The following CIRSR variants were observed in gnomAD, a reference collection of about 807,000 sequenced individuals.
CIRSR encodes corepressor of RBPJ and splicing regulator.
At chr2:174,384,538 CCA>C in the CIRSR span, among the ~76,000 whole-genome samples, 1 of 151,890 alleles carries the variant, frequency 6.6e-6, no homozygotes, top group African/African-American at 2.4e-5. Context: ...ACAAAAAAAC[CCA>C]CAGACAAACC....
chr2:174,362,203 G>C, the CIRSR span, among the ~76,000 whole-genome samples: 21 of 152,242 alleles, frequency 1.4e-4, no homozygotes, highest in Middle Eastern at 6.8e-3. Context: ...CTACTCTGAA[G>C]GCTGAGGTGG....
chr2:174,379,624 C>A, the CIRSR span, among the ~76,000 whole-genome samples: 2 of 151,150 alleles, frequency 1.3e-5, no homozygotes, highest in Non-Finnish European at 2.9e-5. Flanking sequence ...AGATTTAAAT[C>A]TTTTCTTGAC....
the CIRSR span, among the ~76,000 whole-genome samples, chr2:174,393,569 T>C: frequency 6.6e-6 from 1 of 152,064 alleles, no homozygotes; most frequent in Non-Finnish European, 1.5e-5. Flanking sequence ...TGGTCTTGAA[T>C]TCCTGGCCTC....
At chr2:174,360,528 C>CT in the CIRSR span, among the ~76,000 whole-genome samples, 1 of 152,098 alleles carries the variant, frequency 6.6e-6, no homozygotes, top group East Asian at 1.9e-4. Context: ...ATTCATTCTC[C>CT]TTTTCTCAGG....
chr2:174,390,031 T>C, the CIRSR span, among the ~76,000 whole-genome samples: 36,813 of 152,182 alleles, frequency 0.24, 5,011 homozygotes, highest in African/African-American at 0.37. Context: ...GGAAGGGAAA[T>C]GTGGGGTCGG....
At chr2:174,378,162 G>GA in the CIRSR span, among the ~76,000 whole-genome samples, 25 of 144,672 alleles carry the variant, frequency 1.7e-4, no homozygotes, top group Non-Finnish European at 2.4e-4. Context: ...TTTCTTAAAA[G>GA]AAAAAAAAAA....
chr2:174,353,025 A>C, the CIRSR span, among the ~76,000 whole-genome samples: 3 of 152,212 alleles, frequency 2.0e-5, no homozygotes, highest in East Asian at 3.8e-4. Context: ...TCAATAGCAG[A>C]TGTGGTTAAA....
At chr2:174,349,104 C>T in the CIRSR span, 1 of 1,519,504 alleles carries the variant, frequency 6.6e-7, no homozygotes, top group Non-Finnish European at 8.8e-7. Flanking sequence ...GTGTTTACTT[C>T]TGCTCTTCTG....
At chr2:174,348,135 A>T in the CIRSR span, 7,769 of 174,678 alleles carry the variant, frequency 0.044, 628 homozygotes, top group African/African-American at 0.17. Context: ...AATTGAAAAA[A>T]GTAAATTATA....
chr2:174,361,493 T>C, the CIRSR span, among the ~76,000 whole-genome samples: 1 of 152,220 alleles, frequency 6.6e-6, no homozygotes, highest in African/African-American at 2.4e-5. Flanking sequence ...CCCAAATGTG[T>C]TCCCAAGCAA....
At chr2:174,387,668 A>G in the CIRSR span, 1 of 1,572,952 alleles carries the variant, frequency 6.4e-7, no homozygotes, top group East Asian at 2.3e-5. Context: ...ATATACTGGC[A>G]TAACAGAATT....
the CIRSR span, chr2:174,348,620 A>G: frequency 1.2e-6 from 2 of 1,614,010 alleles, no homozygotes; most frequent in Non-Finnish European, 1.7e-6. Context: ...CTTCACCAGG[A>G]TTTCGCTGTG....
chr2:174,376,590 G>A, the CIRSR span, among the ~76,000 whole-genome samples: 32 of 151,572 alleles, frequency 2.1e-4, no homozygotes, highest in African/African-American at 7.0e-4. Context: ...GAGGTCAGGA[G>A]ATCAAGACCA....
At chr2:174,383,944 T>C in the CIRSR span, among the ~76,000 whole-genome samples, 1 of 151,802 alleles carries the variant, frequency 6.6e-6, no homozygotes, top group African/African-American at 2.4e-5. Flanking sequence ...TAAAATTGTG[T>C]AGTCACTGTG....
chr2:174,386,348 A>C, the CIRSR span, among the ~76,000 whole-genome samples: 1 of 152,044 alleles, frequency 6.6e-6, no homozygotes, highest in African/African-American at 2.4e-5. Flanking sequence ...GGTTTGGCTA[A>C]CTTTGTATTT....
chr2:174,378,101 A>G, the CIRSR span, among the ~76,000 whole-genome samples: 2 of 152,164 alleles, frequency 1.3e-5, no homozygotes, highest in African/African-American at 4.8e-5. Context: ...ATCTGCTTCA[A>G]TAGAGCAGCC....
At chr2:174,392,553 A>G in the CIRSR span, among the ~76,000 whole-genome samples, 1 of 152,164 alleles carries the variant, frequency 6.6e-6, no homozygotes, top group Non-Finnish European at 1.5e-5. Flanking sequence ...GTGAAAGATG[A>G]TGAGGGTCTG....
chr2:174,365,713 T>G, the CIRSR span, among the ~76,000 whole-genome samples: 1 of 152,236 alleles, frequency 6.6e-6, no homozygotes, highest in African/African-American at 2.4e-5. Context: ...ACGTATTCAC[T>G]GTCACAAGAA....
At chr2:174,354,710 A>AATATAATATATATTATATAAT in the CIRSR span, among the ~76,000 whole-genome samples, 2 of 97,362 alleles carry the variant, frequency 2.1e-5, no homozygotes, top group African/African-American at 8.7e-5. Context: ...TATTATATAT[A>AATATAATATATATTATATAAT]ATATAATATA....
Sources: gnomAD v4.1 joint callset for allele counts (sites outside exome capture counted in the v4.1 genomes callset) on GRCh38, gnomAD v4.1.1 for gene constraint, MANE v1.5 for transcripts, NCBI Gene and HGNC (gene_info 2026-07-23, HGNC 2026-07-21) for gene names.